Variants in ESPL1 observed in about 807,000 individuals in gnomAD.
The protein encoded by ESPL1 is separin.
A neutral mutation model predicts 217.2 loss-of-function variants in ESPL1; 50 were observed. That is an observed-to-expected ratio of 0.23 (90% CI 0.18 to 0.29). The LOEUF (loss-of-function observed/expected upper bound fraction) is 0.29. Among genes scored for constraint, ESPL1 ranks in the 10% least tolerant of loss-of-function variants. The pLI, the probability that ESPL1 is intolerant of heterozygous loss-of-function variation, is 1.00. For missense variants in ESPL1, 1,834 were observed against 2,603.0 expected, an observed-to-expected ratio of 0.70 and a Z score of 6.43; for synonymous variants, 994 against 1,081.3, an observed-to-expected ratio of 0.92 and a Z score of 1.58.
At position 53,290,544 on chromosome 12, in the gene ESPL1, G is replaced by A. The variant is rs998012829; in HGVS notation, c.5364+75G>A. The A allele has an allele frequency of 7.1e-6, 11 of 1,548,760 alleles. No homozygotes were observed. In the African/African-American group the frequency reaches 9.5e-5, roughly 13 times the overall value. ...GGTCCCAGTGACTTCTCTACCAGACGGCCTGGGTCAGTGCTAAAGCCACTT... is the reference window on the plus strand; with the variant it reads ...GGTCCCAGTGACTTCTCTACCAGACAGCCTGGGTCAGTGCTAAAGCCACTT... On this transcript the variant is annotated intron_variant, in intron 24 of 30. Coordinates refer to ENST00000257934, the MANE Select transcript of ESPL1 (RefSeq NM_012291.5).
Position 53,269,299 on chromosome 12 carries a change from C to T in ESPL1, c.357C>T (p.Arg119=), listed in dbSNP as rs1943623144. 6.2e-7 allele frequency: 1 copy of T among 1,614,182 alleles called. No homozygotes were observed. The highest frequency in any genetic ancestry group is 8.5e-7 in the Non-Finnish European group (1 of 1,180,048). ...AAQGSPEATL[R]LAQPLHACLV... Reference sequence around the variant, plus strand: ...AAGGAAGCCCAGAGGCCACACTCCGCCTTGCTCAGCCCCTCCATGCCTGCT... The same window carrying T: ...AAGGAAGCCCAGAGGCCACACTCCGTCTTGCTCAGCCCCTCCATGCCTGCT... Residue 119 remains arginine (R), a synonymous_variant, in exon 3 of 31, where the codon CGC becomes CGT. Transcript: ENST00000257934. The surrounding 1 kb of genome is among the most constrained non-coding windows in gnomAD (Gnocchi z 6.7).
intron 11 of ESPL1, among the ~76,000 whole-genome samples, chr12:53,278,383 A>G (rs1943806649): frequency 6.6e-6 from 1 of 151,736 alleles, no homozygotes; most frequent in African/African-American, 2.4e-5. Context: ...TGGCTGAGGC[A>G]GGAGAATCCC....
rs1024786875 is a variant in ESPL1 at position 53,292,483 on chromosome 12, C to A, written c.5912+90C>A. The A allele has an allele frequency of 7.2e-7, 1 of 1,385,296 alleles. No individual in the cohort carries two copies. The highest frequency in any genetic ancestry group is 1.0e-6 in the Non-Finnish European group (1 of 972,330). The allele number at this position is 1,385,296 out of a possible 1,614,324, so 85.8% of individuals were successfully genotyped here. A position where few individuals can be genotyped will look rare whatever the true frequency, so the allele number is the denominator to read the frequency against. On this transcript the variant is annotated intron_variant, in intron 28 of 30. Transcript: ENST00000257934. The surrounding 1 kb of genome is among the most constrained non-coding windows in gnomAD (Gnocchi z 4.5). ...TTTTCTCCAGAAACAGCTGTTGCAG[C>A]CCACCTTCTATCTAATGATCCCTCT...
At chr12:53,287,818 TAG>T (rs1943975862) in intron 18 of ESPL1, 152 bp from the exon 19 acceptor site, 1 of 698,384 alleles carries the variant, frequency 1.4e-6, no homozygotes, top group African/African-American at 1.8e-5. Context: ...GCCCCTGATC[TAG>T]AGTGTTGGCT....
At chr12:53,274,630 T>C (rs1409894412) in intron 6 of ESPL1, among the ~76,000 whole-genome samples, 187 bp from the exon 7 acceptor site, 1 of 152,162 alleles carries the variant, frequency 6.6e-6, no homozygotes, top group Non-Finnish European at 1.5e-5. Context: ...TTGCAGCCTC[T>C]GAGTTGAAGG....
intron 11 of ESPL1, among the ~76,000 whole-genome samples, chr12:53,278,876 G>A (rs1429372685): frequency 1.3e-5 from 2 of 151,416 alleles, no homozygotes; most frequent in Non-Finnish European, 1.5e-5. Flanking sequence ...GTGAGCCACC[G>A]CACCCAGCTT....
chr12:53,290,749 G>T, intron 24 of ESPL1, 92 bp from the exon 25 acceptor site: 1 of 196,668 alleles, frequency 5.1e-6, no homozygotes, highest in Non-Finnish European at 6.4e-6. Flanking sequence ...ATGCACATTG[G>T]AAAACGCATT....
At chr12:53,276,370 G>A (rs1053271912) in intron 7 of ESPL1, among the ~76,000 whole-genome samples, 5 of 152,200 alleles carry the variant, frequency 3.3e-5, no homozygotes, top group Non-Finnish European at 7.3e-5. Context: ...GAATGAAGGT[G>A]GTCAAAGTGG....
intron 2 of ESPL1, 33 bp from the exon 3 acceptor site, chr12:53,268,991 G>A: frequency 6.4e-7 from 1 of 1,574,036 alleles, no homozygotes; most frequent in South Asian, 1.1e-5. Flanking sequence ...TCCTGCCTTT[G>A]CTAGCCCCAT....
intron 10 of ESPL1, 103 bp from the exon 11 acceptor site, chr12:53,277,718 C>A: frequency 6.4e-7 from 1 of 1,567,762 alleles, no homozygotes; most frequent in Non-Finnish European, 8.7e-7. Flanking sequence ...GTTGTGGAAG[C>A]AGTGGGAGGT....
Position 53,292,905 on chromosome 12 carries a change from G to T in ESPL1, c.6096G>T (p.Ala2032=). ...AVALLFGCSS[A]ALAVRGNLEG... is the part of the protein sequence containing the mutation. Reference sequence around the variant, plus strand: ...CCCTGCTGTTTGGCTGTAGCAGTGCGGCCCTGGCTGTGCGTGGAAACCTGG... The same window carrying T: ...CCCTGCTGTTTGGCTGTAGCAGTGCTGCCCTGGCTGTGCGTGGAAACCTGG... The change falls in exon 30 of 31, where the codon GCG becomes GCT. Residue 2032 remains alanine (A), a synonymous_variant. Coordinates refer to ENST00000257934, the MANE Select transcript of ESPL1 (RefSeq NM_012291.5). This position sits in a 1 kb window ranked among gnomAD's most constrained non-coding sequence, Gnocchi z 4.5. 6.2e-7 allele frequency: 1 copy of T among 1,613,854 alleles called. No individual in the cohort carries two copies. Among genetic ancestry groups the T allele is most frequent in the Non-Finnish European group, 8.5e-7 (1 of 1,179,998 alleles).
At position 53,286,811 on chromosome 12, in the gene ESPL1, C is replaced by T. The variant is rs370889085; in HGVS notation, c.4075C>T (p.His1359Tyr). The change falls in exon 18 of 31, where the codon CAT (histidine) becomes TAT (tyrosine). Residue 1359 changes from histidine to tyrosine, a missense_variant. Coordinates refer to ENST00000257934, the MANE Select transcript of ESPL1 (RefSeq NM_012291.5). This position sits in a 1 kb window ranked among gnomAD's most constrained non-coding sequence, Gnocchi z 5.3. The part of the protein sequence containing the change: ...PPDRIRQAGP[H>Y]VPFTVFEEVC... ...AGACCGGATCAGGCAAGCTGGCCCT[C>T]ATGTCCCCTTCACGGTGTTTGAGGA... 2.5e-6 allele frequency: 4 copies of T among 1,614,034 alleles called. No individual in the cohort carries two copies. Among genetic ancestry groups the T allele is most frequent in the Non-Finnish European group, 2.5e-6 (3 of 1,180,046 alleles).
intron 17 of ESPL1, among the ~76,000 whole-genome samples, chr12:53,284,410 A>C (rs1943911741): frequency 6.6e-6 from 1 of 151,904 alleles, no homozygotes; most frequent in African/African-American, 2.4e-5. Context: ...ATGCGCCACC[A>C]CACCCGGATA....
In ESPL1 at chr12:53,293,187, C is replaced by G. The variant is rs1592500261; in HGVS notation, c.6162-86C>G. ...TTTCTCATTGGTTCAATCCTCTCCA[C>G]TCACCCACCCCCACCACCAATGGTG... is the stretch of plus-strand genomic sequence containing the variant. On this transcript the variant is annotated intron_variant, in intron 30 of 30. Transcript: ENST00000257934. The surrounding 1 kb of genome is among the most constrained non-coding windows in gnomAD (Gnocchi z 4.2). 8.2e-7 allele frequency: 1 copy of G among 1,218,996 alleles called. No homozygotes were observed. Among genetic ancestry groups the G allele is most frequent in the East Asian group, 2.4e-5 (1 of 42,442 alleles). The allele number at this position is 1,218,996 out of a possible 1,614,324, so 75.5% of individuals were successfully genotyped here.
At position 53,269,775 on chromosome 12, in the gene ESPL1, C is replaced by T; in HGVS notation, c.833C>T (p.Ala278Val). Reference sequence around the variant, plus strand: ...AAAGCCATCAGCGCAGTGGAGAAGGCTCACAGTTACCTAAGGAACACCAAT... The same window carrying T: ...AAAGCCATCAGCGCAGTGGAGAAGGTTCACAGTTACCTAAGGAACACCAAT... ...HDKAISAVEK[A>V]HSYLRNTNLA... Residue 278 changes from alanine (A) to valine (V), a missense_variant, in exon 3 of 31, where the codon GCT (alanine) becomes GTT (valine). Ala to Val is a moderately conservative substitution (Grantham distance 64). Coordinates refer to ENST00000257934, the MANE Select transcript of ESPL1 (RefSeq NM_012291.5). This position sits in a 1 kb window ranked among gnomAD's most constrained non-coding sequence, Gnocchi z 6.7. The T allele has an allele frequency of 6.2e-7, 1 of 1,614,180 alleles. No homozygotes were observed. Among genetic ancestry groups the T allele is most frequent in the Non-Finnish European group, 8.5e-7 (1 of 1,180,034 alleles).
At position 53,292,321 on chromosome 12, in the gene ESPL1, G is replaced by A. The variant is rs750592011; in HGVS notation, c.5840G>A (p.Ser1947Asn). 6.2e-7 allele frequency: 1 copy of A among 1,614,092 alleles called. No individual in the cohort carries two copies. Among genetic ancestry groups the A allele is most frequent in the South Asian group, 1.1e-5 (1 of 91,084 alleles). The change falls in exon 28 of 31, where the codon AGT (serine) becomes AAT (asparagine). Residue 1947 changes from serine to asparagine, a missense_variant. Around this residue, in one of 5 missense-constraint regions of ESPL1, gnomAD observed 295 missense variants for 519.8 expected, o/e 0.57. Coordinates refer to ENST00000257934, the MANE Select transcript of ESPL1 (RefSeq NM_012291.5). This position sits in a 1 kb window ranked among gnomAD's most constrained non-coding sequence, Gnocchi z 4.5. The stretch of plus-strand genomic sequence containing the variant: ...CTGAGTCAAGGGGTGGATCCACGAA[G>A]TACCTTCTATGTCCTGAACCCTCAC... Reference protein sequence around the residue: ...PVLSQGVDPRSTFYVLNPHNN... With the variant: ...PVLSQGVDPRNTFYVLNPHNN...
intron 17 of ESPL1, among the ~76,000 whole-genome samples, chr12:53,284,851 A>G (rs1943918782): frequency 1.3e-5 from 2 of 151,518 alleles, no homozygotes; most frequent in African/African-American, 4.8e-5. Flanking sequence ...ATCTCTACTA[A>G]TAATACAAAA....
intron 17 of ESPL1, 73 bp from the exon 18 acceptor site, chr12:53,285,851 C>A: frequency 7.8e-7 from 1 of 1,277,328 alleles, no homozygotes; most frequent in Non-Finnish European, 1.1e-6. Context: ...GAGAATTGGG[C>A]CCCAAGGTCG....
At position 53,292,220 on chromosome 12, in the gene ESPL1, T is replaced by C; in HGVS notation, c.5797-58T>C. 1 of 1,464,630 alleles carries C rather than the reference T, an allele frequency of 6.8e-7. No homozygotes were observed. The highest frequency in any genetic ancestry group is 9.6e-7 in the Non-Finnish European group (1 of 1,044,186). The allele number at this position is 1,464,630 out of a possible 1,614,324, so 90.7% of individuals were successfully genotyped here. A position where few individuals can be genotyped will look rare whatever the true frequency, so the allele number is the denominator to read the frequency against. ...CAGACATGGAAAGGGGCTGAGATTG[T>C]TAGAGCTTGGGCCTCTTGGTGAGAC... On this transcript the variant is annotated intron_variant, in intron 27 of 30. Transcript: ENST00000257934. This position sits in a 1 kb window ranked among gnomAD's most constrained non-coding sequence, Gnocchi z 4.5.
Sources: allele counts gnomAD v4.1 joint callset (sites outside exome capture counted in the v4.1 genomes callset), GRCh38; gene constraint gnomAD v4.1.1; regional missense constraint gnomAD v4.1.1; non-coding constraint Gnocchi (gnomAD v3.1); transcripts MANE v1.5; gene names NCBI Gene and HGNC (gene_info 2026-07-23, HGNC 2026-07-21).